The following CHD3 variants were observed in gnomAD, a reference collection of about 807,000 sequenced individuals.
The protein encoded by CHD3 is ATP-dependent chromatin remodeler CHD3.
CHD3 carries 52 observed loss-of-function variants against 248.9 expected under a neutral mutation model. The ratio of observed to expected loss-of-function variants is 0.21; its 90% CI spans 0.17 to 0.26. CHD3 has a LOEUF of 0.26. Ranked by LOEUF, CHD3 falls within the 10% of genes least tolerant of loss-of-function variation. CHD3 has a pLI of 1.00. For synonymous variants in CHD3, 985 were observed against 985.2 expected, an observed-to-expected ratio of 1.00 and a Z score of 0.00; for missense variants, 1,482 against 2,605.8, an observed-to-expected ratio of 0.57 and a Z score of 9.39.
rs759272516 is a variant in CHD3 at position 7,899,240 on chromosome 17, C to T, written c.2343+38C>T. 3.7e-6 allele frequency: 6 copies of T among 1,604,252 alleles called. 1 individual carries two copies. The South Asian group carries it at 6.6e-5, about 18-fold the overall frequency. On this transcript the variant is annotated intron_variant, in intron 14 of 39. Transcript: ENST00000330494. This position sits in a 1 kb window ranked among gnomAD's most constrained non-coding sequence, Gnocchi z 6.8. ...AGGACCTTGAAGGGGACCGCCTGGACTGGGGAAGTGGGGAGGGGGAAGATA... is the reference window on the plus strand; with the variant it reads ...AGGACCTTGAAGGGGACCGCCTGGATTGGGGAAGTGGGGAGGGGGAAGATA...
At position 7,890,591 on chromosome 17, in the gene CHD3, T is replaced by C; in HGVS notation, c.234T>C (p.Gly78=). ...CTTAGGACAGTGAGGAGGAATTTGG[T>C]TCTGAGCGAGATGAGTACCGGGAGA... ...RKKRDSEEEF[G]SERDEYREKS... is the part of the protein sequence containing the mutation. Residue 78 remains glycine (G), a synonymous_variant, in exon 3 of 40, where the codon GGT becomes GGC. Transcript: ENST00000330494. The C allele has an allele frequency of 6.3e-7, 1 of 1,591,376 alleles. No homozygotes were observed. The highest frequency in any genetic ancestry group is 8.5e-7 in the Non-Finnish European group (1 of 1,173,056).
Position 7,895,734 on chromosome 17 carries a change from C to T in CHD3, c.1707+192C>T, listed in dbSNP as rs1271648292. ...CTACAGTCCTCTTTCTCTCAGTCTC[C>T]GTTAGCTTCCTTCCCTCAGATATAG... is the stretch of plus-strand genomic sequence containing the variant. On this transcript the variant is annotated intron_variant, in intron 10 of 39. Transcript: ENST00000330494. This position sits in a 1 kb window ranked among gnomAD's most constrained non-coding sequence, Gnocchi z 4.9. 8.5e-5 allele frequency among the ~76,000 whole-genome samples: 13 copies of T among 152,182 alleles called. No homozygotes were observed. The highest frequency in any genetic ancestry group is 2.0e-4 in the Admixed American group (3 of 15,272).
chr17:7,910,883 T>C lies in CHD3; in HGVS notation c.5791T>C (p.Tyr1931His). 1 of 1,612,368 alleles carries C rather than the reference T, an allele frequency of 6.2e-7. No homozygotes were observed. The highest frequency in any genetic ancestry group is 2.2e-5 in the East Asian group (1 of 44,864). The change falls in exon 39 of 40, where the codon TAC becomes CAC. Residue 1931 changes from tyrosine to histidine, a missense_variant. By Grantham distance (83) the Tyr-to-His change is moderately conservative. Coordinates refer to ENST00000330494, the MANE Select transcript of CHD3 (RefSeq NM_001005273.3). The surrounding 1 kb of genome is among the most constrained non-coding windows in gnomAD (Gnocchi z 4.7). ...PPGPYATPPG[Y>H]GAAFSAAPVG... is the part of the protein sequence containing the mutation. ...GGGTCCCTACGCTACACCTCCGGGG[T>C]ACGGGGCGGCCTTCAGCGCCGCACC...
At position 7,911,452 on chromosome 17, in the gene CHD3, T is replaced by A; in HGVS notation, c.5882-12T>A. On this transcript the variant is annotated splice_polypyrimidine_tract_variant and intron_variant, in intron 39 of 39. Transcript: ENST00000330494. The surrounding 1 kb of genome is among the most constrained non-coding windows in gnomAD (Gnocchi z 5.4). ...CTGGAGATTGATCTTTCCTTACCCC[T>A]TTCCCAAACAGCCGCCACCAACGGC... The A allele has an allele frequency of 6.2e-7, 1 of 1,614,100 alleles. No individual in the cohort carries two copies. The highest frequency in any genetic ancestry group is 1.7e-5 in the Admixed American group (1 of 60,030).
rs1207275394 is a variant in CHD3, at chr17:7,893,418, A to G, written c.642A>G (p.Ala214=). The change falls in exon 5 of 40, where the codon GCA becomes GCG. Residue 214 remains alanine, a synonymous_variant. Transcript: ENST00000330494. The stretch of plus-strand genomic sequence containing the variant: ...CAGCTGCTGTGGCGGCGGCAGCGGC[A>G]GCAGCAGCAGCAGCTGTAGCTGAGC... The part of the protein sequence containing the change: ...GSAAAVAAAA[A]AAAAAVAEQV... 3.1e-6 allele frequency: 5 copies of G among 1,588,728 alleles called. No individual in the cohort carries two copies. The highest frequency in any genetic ancestry group is 1.1e-5 in the South Asian group (1 of 90,020).
In CHD3 at chr17:7,905,384, C is replaced by T. The variant is rs2151625105; in HGVS notation, c.4138+219C>T. On this transcript the variant is annotated intron_variant, in intron 26 of 39. Transcript: ENST00000330494. The surrounding 1 kb of genome is among the most constrained non-coding windows in gnomAD (Gnocchi z 5.8). ...AGATCCAGAAAGGCCATATCATTTT[C>T]CATTCCCACTGGTAATCTGGGCCTT... The T allele has an allele frequency of 4.9e-6, 3 of 614,602 alleles. No individual in the cohort carries two copies. The highest frequency in any genetic ancestry group is 8.7e-6 in the Non-Finnish European group (3 of 344,948). The allele number at this position is 614,602 out of a possible 1,614,324, so 38.1% of individuals were successfully genotyped here. A position where few individuals can be genotyped will look rare whatever the true frequency, so the allele number is the denominator to read the frequency against.
At chr17:7,894,340 C>T (rs996037232) in intron 7 of CHD3, 75 bp downstream of exon 7, 49 of 1,589,922 alleles carry the variant, frequency 3.1e-5, no homozygotes, top group Non-Finnish European at 3.9e-5. Context: ...TGACTTCTCT[C>T]TTCAACCCTT....
At chr17:7,893,613 T>C (rs758306421) in intron 5 of CHD3, 44 bp downstream of exon 5, 2 of 1,536,264 alleles carry the variant, frequency 1.3e-6, no homozygotes, top group East Asian at 2.3e-5. Flanking sequence ...CCTTCCAAAC[T>C]GCATGTCTTC....
chr17:7,911,475 G>A lies in CHD3; in HGVS notation c.5893G>A (p.Gly1965Ser), dbSNP rs1162303531. The change falls in exon 40 of 40, where the codon GGC becomes AGC. Residue 1965 changes from glycine to serine, a missense_variant. Physicochemically the swap from Gly to Ser is moderately conservative, Grantham distance 56. Around this residue, in one of 20 missense-constraint regions of CHD3, gnomAD observed 117 missense variants for 137.2 expected, o/e 0.85. Coordinates refer to ENST00000330494, the MANE Select transcript of CHD3 (RefSeq NM_001005273.3). This position sits in a 1 kb window ranked among gnomAD's most constrained non-coding sequence, Gnocchi z 5.4. Reference protein sequence around the residue: ...AGSFITAATNGPPVLVKKEKE... With the variant: ...AGSFITAATNSPPVLVKKEKE... ...CCTTTCCCAAACAGCCGCCACCAACGGCCCTCCAGTGCTTGTGAAGAAGGA... is the reference window on the plus strand; with the variant it reads ...CCTTTCCCAAACAGCCGCCACCAACAGCCCTCCAGTGCTTGTGAAGAAGGA... 1.6e-5 allele frequency: 26 copies of A among 1,614,002 alleles called. No individual in the cohort carries two copies. Among genetic ancestry groups the A allele is most frequent in the East Asian group, 4.5e-5 (2 of 44,886 alleles).
Position 7,911,828 on chromosome 17 carries a change from G to A in CHD3, c.*243G>A. The A allele has an allele frequency of 8.1e-7, 1 of 1,241,536 alleles. No individual in the cohort carries two copies. Among genetic ancestry groups the A allele is most frequent in the Non-Finnish European group, 1.1e-6 (1 of 924,196 alleles). 76.9% of individuals were successfully genotyped at this position (1,241,536 alleles called of 1,614,324 possible). On this transcript the variant is annotated 3_prime_UTR_variant, in exon 40 of 40. Transcript: ENST00000330494. The surrounding 1 kb of genome is among the most constrained non-coding windows in gnomAD (Gnocchi z 5.4). ...CTGGTGAGAAGAAGTCTGGGTGGGA[G>A]ATGGCTGGCAGGGTCTTCCAAGTAC...
rs748325173 is a variant in CHD3, at chr17:7,902,931, T to C, written c.3371-6T>C. 2.5e-6 allele frequency: 4 copies of C among 1,613,852 alleles called. No individual in the cohort carries two copies. Among genetic ancestry groups the C allele is most frequent in the Non-Finnish European group, 3.4e-6 (4 of 1,179,972 alleles). ...AGAAAAACCTGATCCAACTCTCACC[T>C]CCTAGCTCCTGGGGCCCAACAATTC... On this transcript the variant is annotated splice_polypyrimidine_tract_variant and splice_region_variant and intron_variant, in intron 21 of 39. Coordinates refer to ENST00000330494, the MANE Select transcript of CHD3 (RefSeq NM_001005273.3).
intron 12 of CHD3, 44 bp downstream of exon 12, chr17:7,898,146 G>T: frequency 6.2e-7 from 1 of 1,604,898 alleles, no homozygotes; most frequent in East Asian, 2.2e-5. Flanking sequence ...TGACGATGAG[G>T]GCATGAAAGC....
intron 20 of CHD3, 140 bp downstream of exon 20, chr17:7,901,515 T>G: frequency 1.3e-6 from 1 of 785,290 alleles, no homozygotes; most frequent in African/African-American, 1.8e-5. Context: ...TTTTTTTTTT[T>G]TTTTTTTTTT....
chr17:7,894,786 T>G, intron 8 of CHD3, 131 bp from the exon 9 acceptor site: 1 of 1,422,252 alleles, frequency 7.0e-7, no homozygotes, highest in Non-Finnish European at 9.5e-7. Context: ...GAAACTGGAG[T>G]GTCCTTTTCC....
Position 7,905,001 on chromosome 17 carries a change from A to G in CHD3, c.4073-99A>G. On this transcript the variant is annotated intron_variant, in intron 25 of 39. Transcript: ENST00000330494. This position sits in a 1 kb window ranked among gnomAD's most constrained non-coding sequence, Gnocchi z 5.8. The stretch of plus-strand genomic sequence containing the variant: ...GAAGGACCAAGGCCAGAATAAAGGT[A>G]GACAAGTCTCGGCAGGGAGGAATCC... The G allele has an allele frequency of 9.1e-7, 1 of 1,099,648 alleles. No individual in the cohort carries two copies. Among genetic ancestry groups the G allele is most frequent in the Non-Finnish European group, 1.4e-6 (1 of 715,944 alleles). The allele number at this position is 1,099,648 out of a possible 1,614,324, so 68.1% of individuals were successfully genotyped here.
In CHD3 at chr17:7,905,830, C is replaced by T; in HGVS notation, c.4225-26C>T. ...CCTAAGAACCCTAGACATTTGTCGC[C>T]ATTGCCTCCTTGCTCCCACCCTCAG... On this transcript the variant is annotated intron_variant, in intron 27 of 39. Transcript: ENST00000330494. This position sits in a 1 kb window ranked among gnomAD's most constrained non-coding sequence, Gnocchi z 5.8. 6.2e-7 allele frequency: 1 copy of T among 1,614,142 alleles called. No homozygotes were observed. Among genetic ancestry groups the T allele is most frequent in the Admixed American group, 1.7e-5 (1 of 60,014 alleles).
Position 7,899,435 on chromosome 17 carries a change from T to C in CHD3, c.2436T>C (p.Tyr812=), listed in dbSNP as rs765287980. The C allele has an allele frequency of 6.2e-7, 1 of 1,614,146 alleles. No individual in the cohort carries two copies. Among genetic ancestry groups the C allele is most frequent in the Admixed American group, 1.7e-5 (1 of 60,012 alleles). Residue 812 remains tyrosine (Y), a synonymous_variant, in exon 15 of 40, where the codon TAT becomes TAC. Coordinates refer to ENST00000330494, the MANE Select transcript of CHD3 (RefSeq NM_001005273.3). The surrounding 1 kb of genome is among the most constrained non-coding windows in gnomAD (Gnocchi z 6.8). ...REFQMWAPKF[Y]VVTYTGDKDS... ...TCCAGATGTGGGCACCCAAATTCTA[T>C]GTGGTGACATACACGGGTGACAAGG...
chr17:7,889,733 A>T lies in CHD3; in HGVS notation c.170A>T (p.Gln57Leu), dbSNP rs777179750. 6.2e-7 allele frequency: 1 copy of T among 1,613,442 alleles called. No homozygotes were observed. Among genetic ancestry groups the T allele is most frequent in the Non-Finnish European group, 8.5e-7 (1 of 1,179,598 alleles). Residue 57 changes from glutamine to leucine, a missense_variant, in exon 2 of 40, where the codon CAG becomes CTG. Coordinates refer to ENST00000330494, the MANE Select transcript of CHD3 (RefSeq NM_001005273.3). This position sits in a 1 kb window ranked among gnomAD's most constrained non-coding sequence, Gnocchi z 4.5. ...AAGAGAAAACGAGGACCCAAGAAGC[A>T]GAAGGAGAACAAGCCAGGAAAACCC... The part of the protein sequence containing the change: ...VKKRKRGPKK[Q>L]KENKPGKPRK...
chr17:7,894,094 C>A, intron 6 of CHD3, 21 bp from the exon 7 acceptor site: 1 of 1,570,386 alleles, frequency 6.4e-7, no homozygotes, highest in Non-Finnish European at 8.7e-7. Context: ...GCCTCACTGA[C>A]GGCCACGGGG....
Sources: allele counts gnomAD v4.1 joint callset (sites outside exome capture counted in the v4.1 genomes callset), GRCh38; gene constraint gnomAD v4.1.1; regional missense constraint gnomAD v4.1.1; non-coding constraint Gnocchi (gnomAD v3.1); transcripts MANE v1.5; gene names NCBI Gene and HGNC (gene_info 2026-07-23, HGNC 2026-07-21).